Variants in OSCAR observed in about 807,000 individuals in gnomAD.
The protein encoded by OSCAR is osteoclast associated Ig-like receptor, also known as osteoclast-associated immunoglobulin-like receptor.
Under a neutral mutation model 27.3 loss-of-function variants are expected in OSCAR, and 25 were observed. The observed-to-expected ratio is 0.92, with a 90% CI of 0.67 to 1.28. OSCAR has a LOEUF of 1.28. Among genes scored for constraint, OSCAR ranks in the 50% most tolerant of loss-of-function variants. OSCAR has a pLI of 0.00. For synonymous variants in OSCAR, 158 were observed against 165.7 expected (o/e 0.95, Z 0.36); for missense variants, 354 against 355.1 (o/e 1.00, Z 0.03).
At chr19:54,099,870 T>C in intron 1 of OSCAR, 90 bp from the exon 2 acceptor site, 2 of 1,439,070 alleles carry the variant, frequency 1.4e-6, no homozygotes, top group Non-Finnish European at 1.9e-6. Flanking sequence ...TGGAGTGTAG[T>C]GGTGTGATCT....
intron 4 of OSCAR, 54 bp from the exon 5 acceptor site, chr19:54,095,411 G>A: frequency 1.3e-6 from 2 of 1,523,000 alleles, no homozygotes; most frequent in South Asian, 2.5e-5. Flanking sequence ...CCAAAGTCTG[G>A]GCCCTGAACT....
rs1302349866 is a variant in OSCAR at position 54,095,561 on chromosome 19, TG to T, written c.656-205del. 6.1e-5 allele frequency: 78 copies of T among 1,279,236 alleles called. No homozygotes were observed. In the East Asian group the frequency reaches 1.9e-3, roughly 32 times the overall value. 79.2% of individuals were successfully genotyped at this position (1,279,236 alleles called of 1,614,324 possible). On this transcript the variant is annotated intron_variant, in intron 4 of 4. Transcript: ENST00000358375. ...GACTGCTGGATCAGGAAGGAGGGGC[TG>T]GGGGCCTGGAGTCCTGGGTCCAGGA...
rs765354807 is a variant in OSCAR, at chr19:54,095,192, G to T, written c.*29C>A. On this transcript the variant is annotated 3_prime_UTR_variant, in exon 5 of 5. Coordinates refer to ENST00000358375, the MANE Select transcript of OSCAR (RefSeq NM_133169.6). ...CCCAGCTTCTCCGCCACTCAGGTTG[G>T]AAGTCTCGGGCTGCAGTGCTCCTGG... The T allele has an allele frequency of 6.2e-7, 1 of 1,603,280 alleles. No individual in the cohort carries two copies. Among genetic ancestry groups the T allele is most frequent in the Admixed American group, 1.7e-5 (1 of 58,928 alleles).
chr19:54,097,768 T>C (rs1311717335), intron 2 of OSCAR, among the ~76,000 whole-genome samples: 1 of 150,612 alleles, frequency 6.6e-6, no homozygotes, highest in Non-Finnish European at 1.5e-5. Context: ...TAATTTTTTT[T>C]TTTTTAATTT....
At chr19:54,099,973 A>G (rs2146310725) in intron 1 of OSCAR, among the ~76,000 whole-genome samples, 193 bp from the exon 2 acceptor site, 1 of 152,044 alleles carries the variant, frequency 6.6e-6, no homozygotes, top group African/African-American at 2.4e-5. Flanking sequence ...CCACCACACC[A>G]GGCTAATCTT....
intron 4 of OSCAR, 189 bp from the exon 5 acceptor site, chr19:54,095,546 T>TC (rs2072599169): frequency 1.5e-6 from 2 of 1,339,046 alleles, no homozygotes; most frequent in Non-Finnish European, 2.0e-6. Flanking sequence ...GACTGCTGGA[T>TC]CAGGAAGGAG....
At chr19:54,095,426 G>T (rs1475069159) in intron 4 of OSCAR, 69 bp from the exon 5 acceptor site, 1 of 1,509,814 alleles carries the variant, frequency 6.6e-7, no homozygotes, top group Non-Finnish European at 8.9e-7. Context: ...TGAACTCCAG[G>T]TTTCCAGCCC....
intron 3 of OSCAR, among the ~76,000 whole-genome samples, chr19:54,096,537 CCTCCCTCTCTCT>C: frequency 1.9e-5 from 2 of 103,358 alleles, no homozygotes; most frequent in Admixed American, 1.1e-4. Context: ...TCTCTCTCTG[CCTCCCTCTCTCT>C]CTGCCTCCCT....
rs2072679407 is a variant in OSCAR, at chr19:54,096,156, G to A, written c.374-3C>T. Reference sequence around the variant, plus strand: ...CAGCGACGGCCGCGGCAGCTCCTCTGCAGAGACGGGGTGAGAGTCCGGGGC... The same window carrying A: ...CAGCGACGGCCGCGGCAGCTCCTCTACAGAGACGGGGTGAGAGTCCGGGGC... On this transcript the variant is annotated splice_region_variant and splice_polypyrimidine_tract_variant and intron_variant, in intron 3 of 4. Coordinates refer to ENST00000358375, the MANE Select transcript of OSCAR (RefSeq NM_133169.6). 6.6e-7 allele frequency: 1 copy of A among 1,513,418 alleles called. No homozygotes were observed. The highest frequency in any genetic ancestry group is 1.4e-5 in the African/African-American group (1 of 70,982). 93.7% of individuals were successfully genotyped at this position (1,513,418 alleles called of 1,614,324 possible).
intron 3 of OSCAR, 87 bp from the exon 4 acceptor site, chr19:54,096,240 C>G: frequency 2.5e-6 from 3 of 1,187,762 alleles, no homozygotes; most frequent in Non-Finnish European, 3.4e-6. Flanking sequence ...CTGTCTCTCG[C>G]TTTCTCTGTG....
chr19:54,098,496 G>A (rs1409727585), intron 2 of OSCAR, among the ~76,000 whole-genome samples: 3 of 152,202 alleles, frequency 2.0e-5, no homozygotes, highest in East Asian at 1.9e-4. Flanking sequence ...CCCTAGAGTC[G>A]GAGGCTGCAG....
chr19:54,096,681 A>C (rs1401175000), intron 3 of OSCAR, among the ~76,000 whole-genome samples, 181 bp downstream of exon 3: 71 of 72,428 alleles, frequency 9.8e-4, no homozygotes, highest in African/African-American at 1.1e-3. Flanking sequence ...CCCGCACTGT[A>C]CCTCTCTCTC....
chr19:54,099,148 T>C (rs1040393217), intron 2 of OSCAR, among the ~76,000 whole-genome samples: 2 of 149,462 alleles, frequency 1.3e-5, no homozygotes, highest in East Asian at 2.0e-4. Flanking sequence ...CTGCAACCTC[T>C]GCCTCCTGGG....
chr19:54,095,666 G>T, intron 4 of OSCAR: 1 of 1,027,296 alleles, frequency 9.7e-7, no homozygotes, highest in Non-Finnish European at 1.4e-6. Context: ...TGAGGGAGGA[G>T]GAGCTGGAGG....
intron 2 of OSCAR, 74 bp downstream of exon 2, chr19:54,099,674 C>T: frequency 1.9e-6 from 3 of 1,613,650 alleles, no homozygotes; most frequent in East Asian, 2.2e-5. Context: ...TGGGATTGGG[C>T]ACCAAAATAA....
intron 2 of OSCAR, among the ~76,000 whole-genome samples, chr19:54,097,584 CTTTTTTT>C (rs33998262): frequency 2.1e-4 from 8 of 37,456 alleles, no homozygotes; most frequent in African/African-American, 4.6e-4. Context: ...CACACCCAGA[CTTTTTTT>C]TTTTTTTTTT....
chr19:54,096,588 C>CCTCTCTCTCTGCCTG (rs2072733941), intron 3 of OSCAR, among the ~76,000 whole-genome samples: 10 of 73,044 alleles, frequency 1.4e-4, no homozygotes, highest in Admixed American at 6.8e-4. Context: ...CTCTCTGCCT[C>CCTCTCTCTCTGCCTG]CCTCTCTCTC....
intron 4 of OSCAR, 183 bp downstream of exon 4, chr19:54,095,689 G>T: frequency 9.0e-7 from 1 of 1,111,552 alleles, no homozygotes; most frequent in Non-Finnish European, 1.3e-6. Flanking sequence ...TAGACTCCTG[G>T]ATCTGAGGGA....
chr19:54,095,232 T>C lies in OSCAR; in HGVS notation c.781A>G (p.Ile261Val). Reference sequence around the variant, plus strand: ...AGTGCTCCTGGGGCTCAGGGGCGGATACCAGCAGGAGCGCGGTTCTGACTG... The same window carrying C: ...AGTGCTCCTGGGGCTCAGGGGCGGACACCAGCAGGAGCGCGGTTCTGACTG... ...WRSQNRAPAG[I>V]RP is the part of the protein sequence containing the mutation. Residue 261 changes from isoleucine to valine, a missense_variant, in exon 5 of 5, where the codon ATC (isoleucine) becomes GTC (valine). Physicochemically the swap from Ile to Val is conservative, Grantham distance 29. Coordinates refer to ENST00000358375, the MANE Select transcript of OSCAR (RefSeq NM_133169.6). 6.2e-7 allele frequency: 1 copy of C among 1,611,980 alleles called. No individual in the cohort carries two copies. Among genetic ancestry groups the C allele is most frequent in the Non-Finnish European group, 8.5e-7 (1 of 1,179,302 alleles).
Sources: gnomAD v4.1 joint callset for allele counts (sites outside exome capture counted in the v4.1 genomes callset) on GRCh38, gnomAD v4.1.1 for gene constraint, MANE v1.5 for transcripts, NCBI Gene and HGNC (gene_info 2026-07-23, HGNC 2026-07-21) for gene names.